Variants in GALNT13 observed in about 807,000 individuals in gnomAD.
GALNT13 encodes UDP-GalNAc:polypeptide N-acetylgalactosaminyltransferase 13.
GALNT13 carries 28 observed loss-of-function variants against 64.2 expected under a neutral mutation model. That is an observed-to-expected ratio of 0.44 (90% CI 0.32 to 0.60). The LOEUF (loss-of-function observed/expected upper bound fraction) is 0.60, where lower values mean the gene tolerates loss of function less well. Ranked by LOEUF, GALNT13 falls within the 20% of genes least tolerant of loss-of-function variation. The pLI is 0.05. For missense variants in GALNT13, 577 were observed against 669.8 expected, an observed-to-expected ratio of 0.86 and a Z score of 1.53; for synonymous variants, 214 against 224.6, an observed-to-expected ratio of 0.95 and a Z score of 0.42.
At chr2:153,263,524 A>G in the GALNT13 span, among the ~76,000 whole-genome samples, 11 of 152,260 alleles carry the variant, frequency 7.2e-5, no homozygotes, top group Non-Finnish European at 1.2e-4. Context: ...AGCTAGAGGC[A>G]TCATGCTACC....
chr2:153,382,850 C>T, the GALNT13 span, among the ~76,000 whole-genome samples: 1 of 151,828 alleles, frequency 6.6e-6, no homozygotes, highest in African/African-American at 2.4e-5. Context: ...ATTGAAAAGT[C>T]AATCAATGGT....
At chr2:153,860,991 T>C in the GALNT13 span, among the ~76,000 whole-genome samples, 1 of 152,182 alleles carries the variant, frequency 6.6e-6, no homozygotes, top group African/African-American at 2.4e-5. Flanking sequence ...CAGAAAGCAG[T>C]GAGAGCAGTG....
the GALNT13 span, among the ~76,000 whole-genome samples, chr2:153,678,228 C>A: frequency 2.6e-5 from 4 of 151,434 alleles, no homozygotes; most frequent in Admixed American, 6.6e-5. Flanking sequence ...CACATGCACA[C>A]ATATGTTCAT....
the GALNT13 span, among the ~76,000 whole-genome samples, chr2:153,530,170 T>C: frequency 1.3e-5 from 2 of 152,014 alleles, no homozygotes; most frequent in East Asian, 3.9e-4. Context: ...CCAAAAACTA[T>C]TAGAATTGAT....
At position 153,944,466 on chromosome 2, in the gene GALNT13, A is replaced by G. The variant is rs181234314; in HGVS notation, c.-32A>G. 21 of 1,604,326 alleles carry G rather than the reference A, an allele frequency of 1.3e-5. No individual in the cohort carries two copies. Among genetic ancestry groups the G allele is most frequent in the African/African-American group, 5.3e-5 (4 of 74,814 alleles). On this transcript the variant is annotated 5_prime_UTR_variant, in exon 3 of 13. Transcript: ENST00000392825. ...TTTATCACAGTAGCATTTGTCTTCA[A>G]TCTGTGTGTTAACTAGAAATCAAGG...
intron 8 of GALNT13, among the ~76,000 whole-genome samples, chr2:154,300,184 C>A (rs1693357624): frequency 6.9e-6 from 1 of 145,564 alleles, no homozygotes; most frequent in Non-Finnish European, 1.5e-5. Context: ...CTCACTGCAA[C>A]CTCTGCCTCC....
At chr2:154,043,714 A>G (rs146154345) in intron 3 of GALNT13, among the ~76,000 whole-genome samples, 492 of 152,216 alleles carry the variant, frequency 3.2e-3, no homozygotes, top group Middle Eastern at 6.8e-3. Context: ...GTCTAGTACT[A>G]TTTTCAAAAA....
the GALNT13 span, among the ~76,000 whole-genome samples, chr2:153,808,124 A>T: frequency 6.6e-6 from 1 of 152,198 alleles, no homozygotes; most frequent in East Asian, 1.9e-4. Context: ...AGTTTAAAAT[A>T]TAAGTTACAG....
At chr2:154,135,040 A>C (rs1321446621) in intron 3 of GALNT13, among the ~76,000 whole-genome samples, 2 of 152,168 alleles carry the variant, frequency 1.3e-5, no homozygotes, top group Non-Finnish European at 2.9e-5. Flanking sequence ...TGAAATTATA[A>C]AATTCAGCAT....
intron 2 of GALNT13, among the ~76,000 whole-genome samples, chr2:153,934,159 C>T (rs149608322): frequency 1.3e-5 from 2 of 152,176 alleles, no homozygotes; most frequent in African/African-American, 4.8e-5. Context: ...TATGTGGGCA[C>T]TAAATTATAT....
At chr2:153,262,005 G>A in the GALNT13 span, among the ~76,000 whole-genome samples, 1 of 152,188 alleles carries the variant, frequency 6.6e-6, no homozygotes, top group Non-Finnish European at 1.5e-5. Flanking sequence ...CCACCCAAGA[G>A]TCAAGGCCTA....
the GALNT13 span, among the ~76,000 whole-genome samples, chr2:153,479,856 T>A: frequency 6.6e-6 from 1 of 152,216 alleles, no homozygotes; most frequent in African/African-American, 2.4e-5. Context: ...TCAGATTAAG[T>A]TTCTTAACTC....
intron 3 of GALNT13, among the ~76,000 whole-genome samples, chr2:153,957,332 A>G (rs1692630176): frequency 6.6e-6 from 1 of 152,202 alleles, no homozygotes; most frequent in South Asian, 2.1e-4. Flanking sequence ...GCATTGCTCA[A>G]GGGGAGACCC....
the GALNT13 span, among the ~76,000 whole-genome samples, chr2:153,590,876 A>ATGT: frequency 6.6e-6 from 1 of 152,168 alleles, no homozygotes; most frequent in Non-Finnish European, 1.5e-5. Context: ...GAATGGAGAA[A>ATGT]TGTTGAAAAC....
the GALNT13 span, among the ~76,000 whole-genome samples, chr2:153,850,571 G>A: frequency 6.6e-6 from 1 of 152,092 alleles, no homozygotes; most frequent in Non-Finnish European, 1.5e-5. Context: ...TAAATGTGTT[G>A]AACAATCGAT....
chr2:154,160,192 T>C (rs763315980), intron 4 of GALNT13, among the ~76,000 whole-genome samples: 1 of 152,196 alleles, frequency 6.6e-6, no homozygotes, highest in African/African-American at 2.4e-5. Flanking sequence ...TGGCTAATAC[T>C]GGTTGGCCTT....
chr2:154,329,243 C>G (rs558819283), intron 9 of GALNT13, among the ~76,000 whole-genome samples: 12 of 152,162 alleles, frequency 7.9e-5, no homozygotes, highest in African/African-American at 2.2e-4. Context: ...GTAGTTGGGA[C>G]TACAGGTGCT....
intron 3 of GALNT13, among the ~76,000 whole-genome samples, chr2:154,029,564 A>G (rs1698209040): frequency 6.6e-6 from 1 of 152,158 alleles, no homozygotes; most frequent in Non-Finnish European, 1.5e-5. Context: ...CCGCAGATCT[A>G]GCAGAAGGAC....
chr2:153,301,154 C>A, the GALNT13 span, among the ~76,000 whole-genome samples: 1 of 151,760 alleles, frequency 6.6e-6, no homozygotes, highest in Non-Finnish European at 1.5e-5. Context: ...CGTGATCATG[C>A]CACTGTACTC....
Sources: allele counts gnomAD v4.1 joint callset (sites outside exome capture counted in the v4.1 genomes callset), GRCh38; gene constraint gnomAD v4.1.1; transcripts MANE v1.5; gene names NCBI Gene and HGNC (gene_info 2026-07-23, HGNC 2026-07-21).